The following TRIM7 variants were observed in gnomAD, a reference collection of about 807,000 sequenced individuals.
The protein encoded by TRIM7 is E3 ubiquitin-protein ligase TRIM7.
In TRIM7, 32 loss-of-function variants were observed where a neutral mutation model predicts 37.9. The observed-to-expected ratio is 0.84, with a 90% confidence interval of 0.64 to 1.13. The LOEUF (loss-of-function observed/expected upper bound fraction) is 1.13, where lower values mean the gene tolerates loss of function less well. TRIM7 is among the 50% of genes most tolerant of loss of function. TRIM7 has a pLI of 0.00. For missense variants in TRIM7, 732 were observed against 714.0 expected (o/e 1.03, Z -0.29); for synonymous variants, 351 against 321.3 (o/e 1.09, Z -0.99).
chr5:181,201,007 A>G, intron 2 of TRIM7: 1 of 753,188 alleles, frequency 1.3e-6, no homozygotes, highest in Non-Finnish European at 1.6e-6. Context: ...CTTCCCTTCA[A>G]GTCTTACAGG....
In TRIM7 at chr5:181,194,273, T is replaced by G. The variant is rs1228490855; in HGVS notation, c.*893A>C. The G allele has an allele frequency of 6.6e-6, 1 of 152,262 alleles. No individual in the cohort carries two copies. Among genetic ancestry groups the G allele is most frequent in the Non-Finnish European group, 1.5e-5 (1 of 68,062 alleles). The allele number at this position is 152,262 out of a possible 1,614,324, so 9.4% of individuals were successfully genotyped here. On this transcript the variant is annotated 3_prime_UTR_variant, in exon 7 of 7. Transcript: ENST00000274773. ...ACAAAAAAAGTTCGGGTACAGCGGC[T>G]CACACCTGTAATCCCAGCTCTTAGG...
At position 181,195,052 on chromosome 5, in the gene TRIM7, G is replaced by T; in HGVS notation, c.*114C>A. 2 of 1,343,834 alleles carry T rather than the reference G, an allele frequency of 1.5e-6. No individual in the cohort carries two copies. The highest frequency in any genetic ancestry group is 2.0e-6 in the Non-Finnish European group (2 of 986,090). The allele number at this position is 1,343,834 out of a possible 1,614,324, so 83.2% of individuals were successfully genotyped here. ...GTTGTGTCTGTAGCAGGCTCTCTTGGGCAGCAGGGGTCAGGAGCACGGAGG... is the reference window on the plus strand; with the variant it reads ...GTTGTGTCTGTAGCAGGCTCTCTTGTGCAGCAGGGGTCAGGAGCACGGAGG... On this transcript the variant is annotated 3_prime_UTR_variant, in exon 7 of 7. Transcript: ENST00000274773.
At chr5:181,198,082 A>C in intron 6 of TRIM7, 101 bp downstream of exon 6, 1 of 1,342,334 alleles carries the variant, frequency 7.4e-7, no homozygotes, top group Non-Finnish European at 1.1e-6. Flanking sequence ...GGGTGGGCTG[A>C]AGGAACCGAC....
chr5:181,198,650 C>T, intron 5 of TRIM7, 40 bp downstream of exon 5: 1 of 1,418,332 alleles, frequency 7.1e-7, no homozygotes, highest in Non-Finnish European at 1.0e-6. Flanking sequence ...CCTCCACCAC[C>T]ACCGCACTAT....
chr5:181,200,532 C>A (rs757225213), intron 2 of TRIM7: 98 of 1,051,458 alleles, frequency 9.3e-5, no homozygotes, highest in Non-Finnish European at 1.1e-4. Flanking sequence ...GCCATCTTTC[C>A]TGTTTAGCAG....
At chr5:181,195,976 A>G in intron 6 of TRIM7, 1 of 389,738 alleles carries the variant, frequency 2.6e-6, no homozygotes, top group Non-Finnish European at 4.6e-6. Context: ...AAGAATCATT[A>G]ATCTGTCCAG....
rs1465816999 is a variant in TRIM7, at chr5:181,195,143, C to G, written c.*23G>C. Reference sequence around the variant, plus strand: ...TCCCCTCCCACCGGCAGCCCAGAGACAGGAGCTCCCCAGCAGTGCCCCTCA... The same window carrying G: ...TCCCCTCCCACCGGCAGCCCAGAGAGAGGAGCTCCCCAGCAGTGCCCCTCA... On this transcript the variant is annotated 3_prime_UTR_variant, in exon 7 of 7. Transcript: ENST00000274773. The G allele has an allele frequency of 1.9e-6, 3 of 1,566,014 alleles. No homozygotes were observed. In the African/African-American group the frequency reaches 4.1e-5, roughly 21 times the overall value.
At chr5:181,201,222 G>A (rs763731129) in intron 2 of TRIM7, among the ~76,000 whole-genome samples, 1 of 152,150 alleles carries the variant, frequency 6.6e-6, no homozygotes, top group Admixed American at 6.5e-5. Context: ...ACATTTAGCC[G>A]CCCCTCTGGC....
chr5:181,199,088 C>G lies in TRIM7; in HGVS notation c.872+7G>C, dbSNP rs762529815. 28 of 1,614,074 alleles carry G rather than the reference C, an allele frequency of 1.7e-5. No homozygotes were observed. The highest frequency in any genetic ancestry group is 2.3e-5 in the Non-Finnish European group (27 of 1,180,038). On this transcript the variant is annotated splice_region_variant and intron_variant, in intron 4 of 6. Transcript: ENST00000274773. ...AGAGAGGCCCCAGGAGCTGTGAGGT[C>G]ACTCACCTGCTCAGCGTGCTTTTGA...
intron 6 of TRIM7, chr5:181,197,867 T>G: frequency 2.3e-6 from 1 of 432,228 alleles, no homozygotes; most frequent in Admixed American, 3.6e-5. Flanking sequence ...CCAGGAGAGG[T>G]TTCCATCCAT....
At chr5:181,200,122 A>G in intron 2 of TRIM7, 41 bp from the exon 3 acceptor site, 1 of 1,614,252 alleles carries the variant, frequency 6.2e-7, no homozygotes, top group Non-Finnish European at 8.5e-7. Context: ...TTGAACATGG[A>G]GACATAACAT....
At chr5:181,198,630 T>C in intron 5 of TRIM7, 60 bp downstream of exon 5, 1 of 1,205,098 alleles carries the variant, frequency 8.3e-7, no homozygotes, top group Non-Finnish European at 1.2e-6. Context: ...ACCCCTGAGC[T>C]ACCAGGAACC....
chr5:181,199,944 G>A lies in TRIM7; in HGVS notation c.756C>T (p.Asn252=). Reference sequence around the variant, plus strand: ...TGATCTCAACCCCGAGCTGGGCCAGGTTCTCATTCTGCTTCTGTGCCACCT... The same window carrying A: ...TGATCTCAACCCCGAGCTGGGCCAGATTCTCATTCTGCTTCTGTGCCACCT... ...SREVAQKQNE[N]LAQLGVEITQ... is the part of the protein sequence containing the mutation. Residue 252 remains asparagine, a synonymous_variant, in exon 3 of 7, where the codon AAC becomes AAT. Coordinates refer to ENST00000274773, the MANE Select transcript of TRIM7 (RefSeq NM_203293.3). The A allele has an allele frequency of 3.1e-6, 5 of 1,614,256 alleles. No homozygotes were observed. The highest frequency in any genetic ancestry group is 1.3e-5 in the African/African-American group (1 of 75,068).
chr5:181,200,368 C>A, intron 2 of TRIM7: 11 of 1,395,246 alleles, frequency 7.9e-6, no homozygotes, highest in Non-Finnish European at 1.0e-5. Context: ...CCCCCCAGAA[C>A]TACGCCAAGC....
At chr5:181,197,200 G>A (rs965250289) in intron 6 of TRIM7, 8 of 151,928 alleles carry the variant, frequency 5.3e-5, no homozygotes, top group African/African-American at 1.7e-4. Context: ...GCACTACTAC[G>A]ATTGAGGCCC....
At chr5:181,200,110 A>G (rs560728652) in intron 2 of TRIM7, 29 bp from the exon 3 acceptor site, 49 of 1,613,356 alleles carry the variant, frequency 3.0e-5, no homozygotes, top group Non-Finnish European at 3.7e-5. Context: ...TTGGAGAGGG[A>G]CTTGAACATG....
At chr5:181,200,995 C>T (rs1287596582) in intron 2 of TRIM7, 9 of 831,742 alleles carry the variant, frequency 1.1e-5, no homozygotes, top group African/African-American at 5.7e-5. Context: ...GGGGAGGGTG[C>T]ACTTCCCTTC....
In TRIM7 at chr5:181,198,796, A is replaced by G. The variant is rs768383845; in HGVS notation, c.882T>C (p.Asn294=). 1.3e-5 allele frequency: 21 copies of G among 1,612,694 alleles called. No individual in the cohort carries two copies. The highest frequency in any genetic ancestry group is 1.8e-5 in the Non-Finnish European group (21 of 1,179,090). ...CTGTGGTTGGCTTGGGGCCAGGCACATTGCTACACCTGCAGGACAAGGGCT... is the reference window on the plus strand; with the variant it reads ...CTGTGGTTGGCTTGGGGCCAGGCACGTTGCTACACCTGCAGGACAAGGGCT... ...EFKSTLSRCS[N]VPGPKPTTVS... The change falls in exon 5 of 7, where the codon AAT becomes AAC. Residue 294 remains asparagine, a synonymous_variant. Transcript: ENST00000274773.
chr5:181,195,368 AC>A lies in TRIM7; in HGVS notation c.1333del (p.Val445Ter). 1.9e-6 allele frequency: 3 copies of A among 1,578,386 alleles called. No homozygotes were observed. The South Asian group carries it at 3.4e-5, about 18-fold the overall frequency. On this transcript the variant is annotated frameshift_variant, in exon 7 of 7. Transcript: ENST00000274773. LOFTEE classifies it low-confidence loss of function (END_TRUNC). ...GAGGGGCGACCGCTCGGGGCTGGTC[AC>A]GGCCCAGTACTGGCCGCCGTTGAGC... ...LQLNGGQYWA[V>X]TSPERSPLSC...
Sources: allele counts gnomAD v4.1 joint callset (sites outside exome capture counted in the v4.1 genomes callset), GRCh38; gene constraint gnomAD v4.1.1; transcripts MANE v1.5; gene names NCBI Gene and HGNC (gene_info 2026-07-23, HGNC 2026-07-21).